PEX5L: variants seen among roughly 807,000 people sequenced by gnomAD.
PEX5L encodes the protein peroxisomal biogenesis factor 5 like.
In PEX5L, 30 loss-of-function variants were observed where a neutral mutation model predicts 84.0. That is an observed-to-expected ratio of 0.36 (90% CI 0.27 to 0.48). PEX5L has a LOEUF of 0.48. Ranked by LOEUF, PEX5L falls within the 20% of genes least tolerant of loss-of-function variation. PEX5L has a pLI of 0.99. For synonymous variants in PEX5L, 270 were observed against 283.1 expected, an observed-to-expected ratio of 0.95 and a Z score of 0.46; for missense variants, 533 against 754.6, an observed-to-expected ratio of 0.71 and a Z score of 3.44.
chr3:179,985,329 C>T (rs1316793817), intron 1 of PEX5L, among the ~76,000 whole-genome samples: 1 of 152,202 alleles, frequency 6.6e-6, no homozygotes, highest in Non-Finnish European at 1.5e-5. Context: ...ATCTCGGTCA[C>T]TAAGACAGAA....
intron 2 of PEX5L, among the ~76,000 whole-genome samples, chr3:179,961,995 T>C (rs1782163210): frequency 2.0e-5 from 1 of 50,930 alleles, no homozygotes; most frequent in African/African-American, 5.2e-5. Context: ...AGGAAACACT[T>C]TGTTAATCCC....
At chr3:179,988,549 C>T (rs902084794) in intron 1 of PEX5L, among the ~76,000 whole-genome samples, 1 of 152,082 alleles carries the variant, frequency 6.6e-6, no homozygotes, top group Non-Finnish European at 1.5e-5. Context: ...ACACTTCCCC[C>T]ACATCTGTTA....
At chr3:179,985,282 G>A (rs146223974) in intron 1 of PEX5L, among the ~76,000 whole-genome samples, 2 of 152,270 alleles carry the variant, frequency 1.3e-5, no homozygotes, top group East Asian at 3.9e-4. Context: ...CATGGCCAGG[G>A]TAGCTTTGGC....
chr3:180,011,025 G>GT (rs1789426338), intron 1 of PEX5L, among the ~76,000 whole-genome samples: 1 of 152,094 alleles, frequency 6.6e-6, no homozygotes, highest in African/African-American at 2.4e-5. Context: ...TAATTGAGAT[G>GT]TAAGTGTGAG....
Position 179,817,122 on chromosome 3 carries a change from T to A in PEX5L, c.940-1118A>T, listed in dbSNP as rs1029574382. Among the ~76,000 whole-genome samples the A allele has an allele frequency of 2.6e-5, 4 of 152,312 alleles. No individual in the cohort carries two copies. The East Asian group carries it at 5.8e-4, about 22-fold the overall frequency. ...TACAAACCATTGTCATAGCTAAGAA[T>A]TTTTTTGCCTTCACCCTGAACCAGT... On this transcript the variant is annotated intron_variant, in intron 9 of 14. Coordinates refer to ENST00000467460, the MANE Select transcript of PEX5L (RefSeq NM_016559.3).
intron 2 of PEX5L, among the ~76,000 whole-genome samples, chr3:179,968,721 GTC>G (rs767423499): frequency 0.071 from 9,301 of 130,258 alleles, 923 homozygotes; most frequent in African/African-American, 0.25. Flanking sequence ...GTGTGTGTGT[GTC>G]TGTGTGTGTC....
chr3:179,847,704 T>G (rs1396562940), intron 8 of PEX5L, among the ~76,000 whole-genome samples: 2 of 152,184 alleles, frequency 1.3e-5, no homozygotes, highest in Non-Finnish European at 2.9e-5. Flanking sequence ...TAAAAAGTTT[T>G]TTTTTGAGAC....
At chr3:180,017,420 C>T (rs551029595) in intron 1 of PEX5L, among the ~76,000 whole-genome samples, 2 of 152,188 alleles carry the variant, frequency 1.3e-5, no homozygotes, top group Non-Finnish European at 2.9e-5. Context: ...ATTTTAAAGC[C>T]GTTATCAGTG....
At chr3:179,988,133 C>T (rs535296132) in intron 1 of PEX5L, among the ~76,000 whole-genome samples, 8 of 152,238 alleles carry the variant, frequency 5.3e-5, no homozygotes, top group Non-Finnish European at 1.0e-4. Context: ...GGCATGGTGG[C>T]TCACGCCTGT....
rs553520610 is a variant in PEX5L, at chr3:180,020,817, T to C, written c.21+15762A>G. On this transcript the variant is annotated intron_variant, in intron 1 of 14. Coordinates refer to ENST00000467460, the MANE Select transcript of PEX5L (RefSeq NM_016559.3). ...GATGCTAGATAAAATGCTTAATCTA[T>C]ACTAGTCTATGGGACTCTTCAGAAG... Among the ~76,000 whole-genome samples, 33 of 152,342 alleles carry C rather than the reference T, an allele frequency of 2.2e-4. No homozygotes were observed. The South Asian group carries it at 6.6e-3, about 31-fold the overall frequency.
chr3:180,023,615 TC>T (rs1790619802), intron 1 of PEX5L, among the ~76,000 whole-genome samples: 1 of 151,350 alleles, frequency 6.6e-6, no homozygotes, highest in South Asian at 2.1e-4. Context: ...AATAATAGAA[TC>T]CTAGAGCTGG....
chr3:179,906,432 C>A lies in PEX5L; in HGVS notation c.94-8186G>T, dbSNP rs75148276. 6.0e-3 allele frequency among the ~76,000 whole-genome samples: 916 copies of A among 152,274 alleles called. 11 individuals are homozygous for A. Among genetic ancestry groups the A allele is most frequent in the East Asian group, 0.03 (157 of 5,192 alleles). ...ATCTCTATTATACACCTGCAAGCAACTTTTCCTATCTAGGGTGGTCTATCT... is the reference window on the plus strand; with the variant it reads ...ATCTCTATTATACACCTGCAAGCAAATTTTCCTATCTAGGGTGGTCTATCT... On this transcript the variant is annotated intron_variant, in intron 2 of 14. Coordinates refer to ENST00000467460, the MANE Select transcript of PEX5L (RefSeq NM_016559.3).
At position 179,808,435 on chromosome 3, in the gene PEX5L, G is replaced by A; in HGVS notation, c.1355C>T (p.Ser452Phe). Reference sequence around the variant, plus strand: ...TAATTCCTTCACCCCTTCCAGAACAGAGCTACAAGAGAAAAAAAAAATTAG... The same window carrying A: ...TAATTCCTTCACCCCTTCCAGAACAAAGCTACAAGAGAAAAAAAAAATTAG... ...RRMSKSPVDS[S>F]VLEGVKELYL... The change falls in exon 13 of 15, where the codon TCT becomes TTT. Residue 452 changes from serine to phenylalanine, a missense_variant and splice_region_variant. By Grantham distance (155) the Ser-to-Phe change is radical. This residue lies in a region of PEX5L where 63 missense variants were observed against 60.2 expected (regional missense o/e 1.05). Transcript: ENST00000467460. 2 of 1,460,578 alleles carry A rather than the reference G, an allele frequency of 1.4e-6. No homozygotes were observed. Among genetic ancestry groups the A allele is most frequent in the Non-Finnish European group, 1.8e-6 (2 of 1,102,366 alleles). 90.5% of individuals were successfully genotyped at this position (1,460,578 alleles called of 1,614,324 possible). A position where few individuals can be genotyped will look rare whatever the true frequency, so the allele number is the denominator to read the frequency against.
chr3:179,882,073 AG>A (rs1242134766), intron 4 of PEX5L, among the ~76,000 whole-genome samples: 2 of 152,248 alleles, frequency 1.3e-5, no homozygotes. Flanking sequence ...TATGTTGGCA[AG>A]GAGTCTAGGC....
chr3:179,823,668 C>T (rs1486335670), intron 8 of PEX5L, among the ~76,000 whole-genome samples: 1 of 152,224 alleles, frequency 6.6e-6, no homozygotes, highest in African/African-American at 2.4e-5. Flanking sequence ...CACACTAGAG[C>T]AATCTTTTGC....
chr3:179,911,161 T>C (rs1222068996), intron 2 of PEX5L, among the ~76,000 whole-genome samples: 2 of 152,192 alleles, frequency 1.3e-5, no homozygotes, highest in Non-Finnish European at 2.9e-5. Context: ...TCTTAGAGGT[T>C]TGCTTTAACT....
chr3:179,897,545 A>G (rs1319160936), intron 3 of PEX5L, among the ~76,000 whole-genome samples: 2 of 152,136 alleles, frequency 1.3e-5, no homozygotes, highest in African/African-American at 2.4e-5. Context: ...TATAATAGAG[A>G]TGACATTTTT....
At chr3:179,868,042 CT>C (rs71628101) in intron 7 of PEX5L, among the ~76,000 whole-genome samples, 72 of 116,362 alleles carry the variant, frequency 6.2e-4, no homozygotes, top group Middle Eastern at 9.4e-3. Context: ...TCTTCTTCTT[CT>C]TTTTTTTTTT....
intron 1 of PEX5L, among the ~76,000 whole-genome samples, chr3:179,974,989 G>A (rs1292664880): frequency 6.6e-6 from 1 of 152,166 alleles, no homozygotes; most frequent in Admixed American, 6.5e-5. Context: ...TTGAGGCCAG[G>A]AGTCCAAGAC....
Sources: allele counts gnomAD v4.1 joint callset (sites outside exome capture counted in the v4.1 genomes callset), GRCh38; gene constraint gnomAD v4.1.1; regional missense constraint gnomAD v4.1.1; transcripts MANE v1.5; gene names NCBI Gene and HGNC (gene_info 2026-07-23, HGNC 2026-07-21).